The following EPHA6 variants were observed in gnomAD, a reference collection of about 807,000 sequenced individuals.
EPHA6 encodes ephrin type-A receptor 6.
A neutral mutation model predicts 112.0 loss-of-function variants in EPHA6; 50 were observed. The ratio of observed to expected loss-of-function variants is 0.45; its 90% CI spans 0.36 to 0.56. The LOEUF (loss-of-function observed/expected upper bound fraction) is 0.56. Ranked by LOEUF, EPHA6 falls within the 20% of genes least tolerant of loss-of-function variation. EPHA6 has a pLI of 0.00. For synonymous variants in EPHA6, 529 were observed against 490.7 expected (o/e 1.08, Z -1.03); for missense variants, 1,280 against 1,417.4 (o/e 0.90, Z 1.56).
At chr3:97,573,865 T>C (rs2093357456) in intron 11 of EPHA6, among the ~76,000 whole-genome samples, 1 of 151,604 alleles carries the variant, frequency 6.6e-6, no homozygotes, top group Non-Finnish European at 1.5e-5. Flanking sequence ...AAATTTTGTA[T>C]TGATTTAATA....
In EPHA6 at chr3:97,355,893, A is replaced by G. The variant is rs372935274; in HGVS notation, c.1607-49257A>G. Among the ~76,000 whole-genome samples the G allele has an allele frequency of 3.3e-4, 51 of 152,338 alleles. No homozygotes were observed. The South Asian group carries it at 0.01, about 31-fold the overall frequency. On this transcript the variant is annotated intron_variant, in intron 5 of 17. Transcript: ENST00000389672. ...GGGCAGGAGTAGCTATACGTATATC[A>G]GACAAAATAGATTTCTAGATAAAAA...
chr3:97,069,744 T>C (rs1322847057), intron 3 of EPHA6, among the ~76,000 whole-genome samples: 1 of 152,158 alleles, frequency 6.6e-6, no homozygotes, highest in Non-Finnish European at 1.5e-5. Context: ...AAATGTTTTT[T>C]AATAAATATG....
At chr3:97,644,471 A>C (rs1187843082) in intron 14 of EPHA6, among the ~76,000 whole-genome samples, 20 of 151,676 alleles carry the variant, frequency 1.3e-4, no homozygotes, top group Admixed American at 2.6e-4. Flanking sequence ...AGACACAAAA[A>C]ACCCTTCAAA....
At chr3:97,172,908 A>G (rs1411202581) in intron 3 of EPHA6, among the ~76,000 whole-genome samples, 1 of 151,976 alleles carries the variant, frequency 6.6e-6, no homozygotes, top group Non-Finnish European at 1.5e-5. Flanking sequence ...AGCAAACAGA[A>G]TGCTATTCAT....
At chr3:97,435,940 T>A (rs960560384) in intron 6 of EPHA6, among the ~76,000 whole-genome samples, 4 of 152,222 alleles carry the variant, frequency 2.6e-5, no homozygotes, top group African/African-American at 9.6e-5. Flanking sequence ...TTTAAACACC[T>A]TATTAGAACT....
intron 14 of EPHA6, among the ~76,000 whole-genome samples, chr3:97,665,608 G>A (rs2029966650): frequency 6.6e-6 from 1 of 152,150 alleles, no homozygotes; most frequent in African/African-American, 2.4e-5. Flanking sequence ...CAAAAGAAGA[G>A]AAGCCCTTAA....
intron 3 of EPHA6, among the ~76,000 whole-genome samples, chr3:97,213,377 G>A (rs1246568139): frequency 6.6e-6 from 1 of 152,126 alleles, no homozygotes; most frequent in Non-Finnish European, 1.5e-5. Flanking sequence ...AAGAATTTCG[G>A]CTCCTGTGTT....
chr3:97,130,242 C>CT (rs1422410789), intron 3 of EPHA6, among the ~76,000 whole-genome samples: 6 of 151,922 alleles, frequency 3.9e-5, no homozygotes, highest in Non-Finnish European at 7.4e-5. Flanking sequence ...GGTACCCTTC[C>CT]TACATTCTCT....
chr3:97,448,828 T>G (rs2090435285), intron 7 of EPHA6, 98 bp downstream of exon 7: 2 of 1,115,720 alleles, frequency 1.8e-6, no homozygotes, highest in African/African-American at 3.1e-5. Context: ...TTTTAATAGC[T>G]TGTTTAAATG....
At chr3:97,610,653 G>A (rs890764724) in intron 12 of EPHA6, 140 bp from the exon 13 acceptor site, 14 of 692,156 alleles carry the variant, frequency 2.0e-5, no homozygotes, top group South Asian at 1.4e-4. Context: ...ATATGAATAC[G>A]TTTATAGAAG....
intron 10 of EPHA6, among the ~76,000 whole-genome samples, chr3:97,500,777 G>C (rs910900002): frequency 6.6e-6 from 1 of 152,098 alleles, no homozygotes; most frequent in Admixed American, 6.6e-5. Flanking sequence ...AAACAAGCTT[G>C]AAACCCCTAG....
intron 5 of EPHA6, among the ~76,000 whole-genome samples, chr3:97,372,308 G>A (rs1441098644): frequency 6.6e-6 from 1 of 152,096 alleles, no homozygotes; most frequent in Admixed American, 6.6e-5. Flanking sequence ...AAGGACCCAA[G>A]TGAAATGTTG....
At chr3:97,295,612 C>CT (rs1020880205) in intron 5 of EPHA6, among the ~76,000 whole-genome samples, 2 of 149,004 alleles carry the variant, frequency 1.3e-5, no homozygotes, top group African/African-American at 4.9e-5. Context: ...TAAACATTTC[C>CT]TTTTTTTTAA....
intron 2 of EPHA6, among the ~76,000 whole-genome samples, chr3:96,909,603 C>G (rs914254698): frequency 2.0e-5 from 3 of 151,802 alleles, no homozygotes; most frequent in Admixed American, 6.6e-5. Flanking sequence ...GGATATGGCT[C>G]AACTGATCAT....
At position 97,103,997 on chromosome 3, in the gene EPHA6, G is replaced by A. The variant is rs111898891; in HGVS notation, c.1114+116004G>A. Among the ~76,000 whole-genome samples the A allele has an allele frequency of 5.1e-3, 778 of 152,148 alleles. 10 individuals are homozygous for A. Among genetic ancestry groups the A allele is most frequent in the Middle Eastern group, 0.017 (5 of 294 alleles). On this transcript the variant is annotated intron_variant, in intron 3 of 17. Coordinates refer to ENST00000389672, the MANE Select transcript of EPHA6 (RefSeq NM_001080448.3). ...CTTGTCACTTTAATACATTGATTTT[G>A]TATCCTGAAACTTTGCTGAAGTTGT... is the stretch of plus-strand genomic sequence containing the variant.
At chr3:97,724,861 C>A (rs75304723) in intron 15 of EPHA6, among the ~76,000 whole-genome samples, 2,928 of 152,022 alleles carry the variant, frequency 0.019, 89 homozygotes, top group African/African-American at 0.067. Context: ...TATCCCCACC[C>A]CCAAATAGAA....
At chr3:96,989,242 A>T (rs1458822172) in intron 3 of EPHA6, among the ~76,000 whole-genome samples, 1 of 152,158 alleles carries the variant, frequency 6.6e-6, no homozygotes, top group African/African-American at 2.4e-5. Context: ...TTTATAAAAC[A>T]CTTGGGTTCT....
chr3:97,658,827 C>G (rs929188531), intron 14 of EPHA6, among the ~76,000 whole-genome samples: 1 of 151,926 alleles, frequency 6.6e-6, no homozygotes, highest in Non-Finnish European at 1.5e-5. Flanking sequence ...AAGCATCAAA[C>G]CATGCTACCA....
At chr3:97,076,963 A>G (rs536473494) in intron 3 of EPHA6, among the ~76,000 whole-genome samples, 7 of 152,152 alleles carry the variant, frequency 4.6e-5, no homozygotes, top group Admixed American at 1.3e-4. Context: ...TTGACAATGT[A>G]TCTAGTCACC....
Sources: gnomAD v4.1 joint callset for allele counts (sites outside exome capture counted in the v4.1 genomes callset) on GRCh38, gnomAD v4.1.1 for gene constraint, MANE v1.5 for transcripts, NCBI Gene and HGNC (gene_info 2026-07-23, HGNC 2026-07-21) for gene names.